The following TTC34 variants were observed in gnomAD, a reference collection of about 807,000 sequenced individuals.
TTC34 encodes the protein tetratricopeptide repeat domain 34.
TTC34 carries 44 observed loss-of-function variants against 40.7 expected under a neutral mutation model. The observed-to-expected ratio is 1.08, with a 90% CI of 0.85 to 1.39. The LOEUF is 1.39. Among genes scored for constraint, TTC34 ranks in the 40% most tolerant of loss-of-function variants. The probability of loss-of-function intolerance (pLI) is 0.00; values close to 1 mark genes in which losing one functional copy is unlikely to be tolerated. For missense variants in TTC34, 884 were observed against 838.0 expected (o/e 1.05, Z -0.68); for synonymous variants, 422 against 398.6 (o/e 1.06, Z -0.70).
intron 6 of TTC34, among the ~76,000 whole-genome samples, chr1:2,772,938 C>A (rs1642491932): frequency 1.4e-5 from 2 of 141,018 alleles, no homozygotes; most frequent in African/African-American, 2.5e-5. Context: ...GCACCCATAC[C>A]CCCAGGCGAG....
At chr1:2,644,409 C>T (rs549338347) in exon 8 of TTC34, 34 of 1,536,012 alleles carry the variant, frequency 2.2e-5, no homozygotes, top group Admixed American at 7.8e-5. Context: ...CAGCCGGGCC[C>T]GGGCTGCCTC....
At chr1:2,778,124 C>T (rs1643364122) in intron 6 of TTC34, among the ~76,000 whole-genome samples, 1 of 152,214 alleles carries the variant, frequency 6.6e-6, no homozygotes, top group Non-Finnish European at 1.5e-5. Flanking sequence ...GTGCCCTGGT[C>T]CAGCAGCCTG....
intron 6 of TTC34, among the ~76,000 whole-genome samples, chr1:2,683,153 C>T (rs1237886527): frequency 1.5e-5 from 2 of 134,310 alleles, no homozygotes; most frequent in African/African-American, 2.8e-5. Flanking sequence ...ACGCACAGCC[C>T]CAGGAGAGCA....
At chr1:2,676,996 G>C (rs1366159173) in intron 6 of TTC34, among the ~76,000 whole-genome samples, 2 of 76,708 alleles carry the variant, frequency 2.6e-5, no homozygotes, top group Non-Finnish European at 6.6e-5. Flanking sequence ...ACAGCCTGGA[G>C]CAGCACCCAC....
Position 2,750,927 on chromosome 1 carries a change from C to A in TTC34, c.2226+32682G>T, listed in dbSNP as rs1247788421. Among the ~76,000 whole-genome samples the A allele has an allele frequency of 3.8e-5, 4 of 103,940 alleles. 2 individuals carry two copies. The highest frequency in any genetic ancestry group is 1.8e-4 in the African/African-American group (4 of 21,862). 68.2% of individuals were successfully genotyped at this position (103,940 alleles called of 152,430 possible). On this transcript the variant is annotated intron_variant, in intron 6 of 8. Transcript: ENST00000401095. Reference sequence around the variant, plus strand: ...TGAACGCACGGAGCAGCACCCACACCTTCAGGCGAGCATCGGACAGCCTGG... The same window carrying A: ...TGAACGCACGGAGCAGCACCCACACATTCAGGCGAGCATCGGACAGCCTGG...
At chr1:2,752,678 C>G (rs1279242092) in intron 6 of TTC34, among the ~76,000 whole-genome samples, 5,394 of 120,116 alleles carry the variant, frequency 0.045, 191 homozygotes, top group African/African-American at 0.12. Context: ...TGACAACCTG[C>G]AACAGCACCC....
At chr1:2,643,691 C>T (rs1267012302) in intron 8 of TTC34, among the ~76,000 whole-genome samples, 1 of 152,130 alleles carries the variant, frequency 6.6e-6, no homozygotes, top group Non-Finnish European at 1.5e-5. Context: ...CACCGAACTG[C>T]CCCTTACACT....
chr1:2,688,431 C>T (rs1215908655), intron 6 of TTC34, among the ~76,000 whole-genome samples: 13 of 130,584 alleles, frequency 1.0e-4, no homozygotes, highest in African/African-American at 3.8e-4. Flanking sequence ...CATCCGACAG[C>T]CTGGAGCAGG....
Position 2,785,804 on chromosome 1 carries a change from G to A in TTC34, c.2059+15C>T, listed in dbSNP as rs754925930. On this transcript the variant is annotated intron_variant, in intron 5 of 8. Transcript: ENST00000401095. The stretch of plus-strand genomic sequence containing the variant: ...GCACAAGACTGGGCCCTGGGGGCAG[G>A]TGGGCAGCTCCTACCTGCGGCAAAG... 8.4e-6 allele frequency: 13 copies of A among 1,542,046 alleles called. No individual in the cohort carries two copies. Among genetic ancestry groups the A allele is most frequent in the Non-Finnish European group, 1.1e-5 (13 of 1,142,994 alleles).
At chr1:2,683,242 C>A (rs1277120544) in intron 6 of TTC34, among the ~76,000 whole-genome samples, 5 of 144,922 alleles carry the variant, frequency 3.5e-5, no homozygotes, top group Admixed American at 7.0e-5. Context: ...CCCAAGTGAG[C>A]ATCTGATGGT....
chr1:2,773,076 C>G (rs1351227703), intron 6 of TTC34, among the ~76,000 whole-genome samples: 2 of 104,604 alleles, frequency 1.9e-5, no homozygotes, highest in East Asian at 3.5e-4. Flanking sequence ...GAGCCTCTGA[C>G]AGCCTGGAGC....
At chr1:2,751,320 C>G (rs1407719663) in intron 6 of TTC34, among the ~76,000 whole-genome samples, 1 of 117,402 alleles carries the variant, frequency 8.5e-6, no homozygotes, top group Non-Finnish European at 1.7e-5. Flanking sequence ...TGGAGCAGAA[C>G]AAACACCCCC....
chr1:2,791,348 A>G (rs1557693104), intron 2 of TTC34, among the ~76,000 whole-genome samples: 2 of 152,300 alleles, frequency 1.3e-5, no homozygotes, highest in Admixed American at 6.5e-5. Flanking sequence ...CTGAGGGTCC[A>G]TCCCAGACCT....
At chr1:2,798,162 C>CA (rs1643730019) in intron 2 of TTC34, among the ~76,000 whole-genome samples, 1 of 116,580 alleles carries the variant, frequency 8.6e-6, no homozygotes, top group Non-Finnish European at 1.8e-5. Context: ...CTTAGCCCCT[C>CA]AGCTCCCCAG....
At chr1:2,753,463 G>C (rs1175143859) in intron 6 of TTC34, among the ~76,000 whole-genome samples, 1 of 86,426 alleles carries the variant, frequency 1.2e-5, no homozygotes, top group East Asian at 4.2e-4. Flanking sequence ...GCACCCCCAG[G>C]TGTGCACGTG....
At chr1:2,654,733 C>CAA (rs1639279680) in intron 6 of TTC34, among the ~76,000 whole-genome samples, 1 of 18,564 alleles carries the variant, frequency 5.4e-5, no homozygotes, top group African/African-American at 1.5e-4. Flanking sequence ...GCACCCACAC[C>CAA]CCTAGGTGAG....
At chr1:2,751,397 G>C (rs1641314330) in intron 6 of TTC34, among the ~76,000 whole-genome samples, 1 of 147,834 alleles carries the variant, frequency 6.8e-6, no homozygotes, top group Admixed American at 6.8e-5. Context: ...GTCTGGAGCA[G>C]CACCCACACA....
intron 6 of TTC34, among the ~76,000 whole-genome samples, chr1:2,761,126 C>G (rs1230574367): frequency 1.9e-5 from 1 of 53,570 alleles, no homozygotes; most frequent in East Asian, 5.8e-4. Flanking sequence ...CATACTCCCC[C>G]AGGTGAGCAT....
intron 6 of TTC34, among the ~76,000 whole-genome samples, chr1:2,759,718 C>A (rs1304653848): frequency 6.9e-5 from 5 of 72,812 alleles, no homozygotes; most frequent in Admixed American, 2.6e-4. Context: ...AGGACCCACA[C>A]CCCGAGGTGA....
Sources: allele counts gnomAD v4.1 joint callset (sites outside exome capture counted in the v4.1 genomes callset), GRCh38; gene constraint gnomAD v4.1.1; transcripts MANE v1.5; gene names NCBI Gene and HGNC (gene_info 2026-07-23, HGNC 2026-07-21).